The following GLI2 variants were observed in gnomAD, a reference collection of about 807,000 sequenced individuals.
GLI2 encodes GLI family zinc finger 2, also known as transcription activator GLI2.
A neutral mutation model predicts 78.9 loss-of-function variants in GLI2; 22 were observed. That is an observed-to-expected ratio of 0.28 (90% CI 0.20 to 0.40). The LOEUF (loss-of-function observed/expected upper bound fraction) is 0.40, where lower values mean the gene tolerates loss of function less well. GLI2 is among the 10% of genes least tolerant of loss of function. GLI2 has a pLI of 1.00. For synonymous variants in GLI2, 974 were observed against 963.7 expected (o/e 1.01, Z -0.20); for missense variants, 2,097 against 2,213.2 (o/e 0.95, Z 1.05).
At chr2:120,843,050 TG>T (rs1205379365) in intron 2 of GLI2, among the ~76,000 whole-genome samples, 33 of 152,342 alleles carry the variant, frequency 2.2e-4, no homozygotes, top group African/African-American at 7.5e-4. Flanking sequence ...GCATCACATT[TG>T]GTAGAGACTT....
intron 2 of GLI2, among the ~76,000 whole-genome samples, chr2:120,832,786 G>A (rs946750799): frequency 1.3e-5 from 2 of 152,164 alleles, no homozygotes; most frequent in Non-Finnish European, 2.9e-5. Flanking sequence ...CTTAGGCCAT[G>A]GAGTCTTCAA....
At chr2:120,785,676 A>G (rs145773542) in intron 1 of GLI2, among the ~76,000 whole-genome samples, 1,749 of 152,286 alleles carry the variant, frequency 0.011, 20 homozygotes, top group African/African-American at 0.039. Flanking sequence ...CAGGCCTTGG[A>G]GATTGCTGGC....
At chr2:120,811,233 T>A (rs1234673521) in intron 2 of GLI2, among the ~76,000 whole-genome samples, 1 of 152,140 alleles carries the variant, frequency 6.6e-6, no homozygotes, top group East Asian at 1.9e-4. Flanking sequence ...CGGAGAGGCC[T>A]GGGCACCTGT....
intron 1 of GLI2, among the ~76,000 whole-genome samples, chr2:120,792,841 T>TTCATC (rs1463801618): frequency 6.6e-6 from 1 of 152,180 alleles, no homozygotes; most frequent in Non-Finnish European, 1.5e-5. Context: ...CAAGACGGTC[T>TTCATC]TCATCTCCTG....
intron 1 of GLI2, among the ~76,000 whole-genome samples, chr2:120,747,291 A>C (rs944852370): frequency 6.6e-6 from 1 of 152,228 alleles, no homozygotes; most frequent in East Asian, 1.9e-4. Context: ...TGCCTTCTGC[A>C]TGCTCAGACA....
At chr2:120,894,217 G>A (rs1677827630) in intron 2 of GLI2, among the ~76,000 whole-genome samples, 2 of 152,314 alleles carry the variant, frequency 1.3e-5, no homozygotes, top group South Asian at 2.1e-4. Flanking sequence ...CCAAGCAATT[G>A]TCCGTCTCTC....
intron 2 of GLI2, among the ~76,000 whole-genome samples, chr2:120,829,556 C>T (rs1686255653): frequency 6.6e-6 from 1 of 152,216 alleles, no homozygotes; most frequent in South Asian, 2.1e-4. Flanking sequence ...TCATAGGGTA[C>T]ATCTGAGGAA....
In GLI2 at chr2:120,978,533, C is replaced by G. The variant is rs760286217; in HGVS notation, c.1417C>G (p.Leu473Val). ...GAAGCCCTTCAAGGCGCAGTACATG[C>G]TGGTGGTGCACATGCGGCGACACAC... is the stretch of plus-strand genomic sequence containing the variant. ...EQKPFKAQYM[L>V]VVHMRRHTGE... Residue 473 changes from leucine to valine, a missense_variant, in exon 10 of 14, where the codon CTG becomes GTG. Physicochemically the swap from Leu to Val is conservative, Grantham distance 32 (BLOSUM62 1). Transcript: ENST00000361492. 6.2e-7 allele frequency: 1 copy of G among 1,614,130 alleles called. No individual in the cohort carries two copies. Among genetic ancestry groups the G allele is most frequent in the South Asian group, 1.1e-5 (1 of 91,088 alleles).
chr2:120,817,906 C>T (rs972039543), intron 2 of GLI2, among the ~76,000 whole-genome samples: 3 of 152,236 alleles, frequency 2.0e-5, no homozygotes, highest in East Asian at 1.9e-4. Flanking sequence ...GGGATGGATC[C>T]GCACGGGACC....
chr2:120,955,875 C>T (rs1426059128), intron 5 of GLI2, among the ~76,000 whole-genome samples: 1 of 151,766 alleles, frequency 6.6e-6, no homozygotes, highest in Non-Finnish European at 1.5e-5. Flanking sequence ...GAGGAAACTG[C>T]AGTGCAAAGG....
intron 2 of GLI2, among the ~76,000 whole-genome samples, chr2:120,835,794 G>C (rs879818621): frequency 6.6e-6 from 1 of 152,046 alleles, no homozygotes; most frequent in Non-Finnish European, 1.5e-5. Context: ...GTGTGTGTGC[G>C]TTTGTGTGTG....
chr2:120,863,174 T>C lies in GLI2; in HGVS notation c.149-64187T>C, dbSNP rs75071619. ...AGAGGACAACATGCCTACTGATGGATTAACAGGAGTTTCTGGGAGACCCTG... is the reference window on the plus strand; with the variant it reads ...AGAGGACAACATGCCTACTGATGGACTAACAGGAGTTTCTGGGAGACCCTG... On this transcript the variant is annotated intron_variant, in intron 2 of 13. Coordinates refer to ENST00000361492, the MANE Select transcript of GLI2 (RefSeq NM_001374353.1). 6.5e-3 allele frequency among the ~76,000 whole-genome samples: 996 copies of C among 152,334 alleles called. 11 individuals are homozygous for C. Among genetic ancestry groups the C allele is most frequent in the African/African-American group, 0.023 (936 of 41,578 alleles).
chr2:120,978,922 A>G (rs957651958), intron 10 of GLI2, among the ~76,000 whole-genome samples: 1 of 152,230 alleles, frequency 6.6e-6, no homozygotes, highest in Non-Finnish European at 1.5e-5. Flanking sequence ...GGACAGCTCC[A>G]TAGTGCTCTG....
At chr2:120,836,872 GCA>G (rs1686637140) in intron 2 of GLI2, among the ~76,000 whole-genome samples, 1 of 152,318 alleles carries the variant, frequency 6.6e-6, no homozygotes, top group African/African-American at 2.4e-5. Context: ...CAAAGTGGCT[GCA>G]CAGTTTCTTC....
chr2:120,893,097 G>A (rs1677760559), intron 2 of GLI2, among the ~76,000 whole-genome samples: 1 of 152,236 alleles, frequency 6.6e-6, no homozygotes, highest in African/African-American at 2.4e-5. Flanking sequence ...ATTTGACTAA[G>A]GCATCTTGCC....
intron 2 of GLI2, among the ~76,000 whole-genome samples, chr2:120,925,731 A>G (rs1679629432): frequency 6.6e-6 from 1 of 152,112 alleles, no homozygotes. Flanking sequence ...TGATGATTAC[A>G]CAACAATGCA....
Position 120,752,245 on chromosome 2 carries a change from C to G in GLI2, c.-31+15960C>G, listed in dbSNP as rs540514477. On this transcript the variant is annotated intron_variant, in intron 1 of 13. Coordinates refer to ENST00000361492, the MANE Select transcript of GLI2 (RefSeq NM_001374353.1). The stretch of plus-strand genomic sequence containing the variant: ...TATATGTGTGTAGATCATCTTCATT[C>G]ACTTTATTTCTCACCTATCTTTAAT... 1.1e-4 allele frequency among the ~76,000 whole-genome samples: 15 copies of G among 142,352 alleles called. No individual in the cohort carries two copies. In the East Asian group the frequency reaches 2.9e-3, roughly 27 times the overall value. 93.4% of individuals were successfully genotyped at this position (142,352 alleles called of 152,430 possible). A position where few individuals can be genotyped will look rare whatever the true frequency, so the allele number is the denominator to read the frequency against.
rs188828097 is a variant in GLI2 at position 120,754,350 on chromosome 2, C to A, written c.-31+18065C>A. On this transcript the variant is annotated intron_variant, in intron 1 of 13. Coordinates refer to ENST00000361492, the MANE Select transcript of GLI2 (RefSeq NM_001374353.1). ...ATGTACAGTTTGATAAAGTTTGACT[C>A]GTGTGTGCAAACCATCACCATAATC... Among the ~76,000 whole-genome samples the A allele has an allele frequency of 5.3e-5, 8 of 152,146 alleles. No homozygotes were observed. In the East Asian group the frequency reaches 5.8e-4, roughly 11 times the overall value.
intron 1 of GLI2, among the ~76,000 whole-genome samples, chr2:120,778,774 C>A (rs541985618): frequency 6.6e-6 from 1 of 152,350 alleles, no homozygotes; most frequent in East Asian, 1.9e-4. Flanking sequence ...TGTCTTGCTC[C>A]TGAAGCTGCG....
Sources: allele counts gnomAD v4.1 joint callset (sites outside exome capture counted in the v4.1 genomes callset), GRCh38; gene constraint gnomAD v4.1.1; transcripts MANE v1.5; gene names NCBI Gene and HGNC (gene_info 2026-07-23, HGNC 2026-07-21).